Variants in CNTNAP2 observed in about 807,000 individuals in gnomAD.
CNTNAP2 encodes the protein contactin-associated protein-like 2.
In CNTNAP2, 98 loss-of-function variants were observed where a neutral mutation model predicts 155.2. That is an observed-to-expected ratio of 0.63 (90% CI 0.54 to 0.75). CNTNAP2 has a LOEUF of 0.75. CNTNAP2 is among the 30% of genes least tolerant of loss of function. CNTNAP2 has a pLI of 0.00. For synonymous variants in CNTNAP2, 651 were observed against 631.2 expected, an observed-to-expected ratio of 1.03 and a Z score of -0.47; for missense variants, 1,727 against 1,688.1, an observed-to-expected ratio of 1.02 and a Z score of -0.40.
chr7:146,537,154 G>A (rs1317979639), intron 1 of CNTNAP2, among the ~76,000 whole-genome samples: 1 of 151,902 alleles, frequency 6.6e-6, no homozygotes, highest in African/African-American at 2.4e-5. Context: ...AAATTTTGTT[G>A]GATTCTGAAA....
chr7:146,443,339 A>T (rs952376576), intron 1 of CNTNAP2, among the ~76,000 whole-genome samples: 1 of 152,160 alleles, frequency 6.6e-6, no homozygotes, highest in Admixed American at 6.5e-5. Context: ...TTTTCCCTGT[A>T]AAGTTAAATG....
At chr7:148,107,651 G>A (rs1804251937) in intron 15 of CNTNAP2, among the ~76,000 whole-genome samples, 2 of 152,136 alleles carry the variant, frequency 1.3e-5, no homozygotes, top group African/African-American at 4.8e-5. Context: ...AGGAAATCTT[G>A]ACAAATAGAC....
chr7:146,167,921 G>C (rs971204372), intron 1 of CNTNAP2, among the ~76,000 whole-genome samples: 14 of 152,172 alleles, frequency 9.2e-5, no homozygotes, highest in Admixed American at 7.2e-4. Context: ...GTGGCTGAAG[G>C]CCCGAGATTC....
chr7:147,718,572 G>A (rs1182218523), intron 13 of CNTNAP2, among the ~76,000 whole-genome samples: 1 of 152,044 alleles, frequency 6.6e-6, no homozygotes, highest in Non-Finnish European at 1.5e-5. Flanking sequence ...GACATAGCAA[G>A]TTCAAAAAGC....
At chr7:146,622,764 C>A (rs1200619519) in intron 1 of CNTNAP2, among the ~76,000 whole-genome samples, 1 of 151,976 alleles carries the variant, frequency 6.6e-6, no homozygotes, top group Admixed American at 6.6e-5. Context: ...CGAGACCAGC[C>A]TGACCAATAT....
At position 147,504,203 on chromosome 7, in the gene CNTNAP2, T is replaced by G. The variant is rs77204003; in HGVS notation, c.1777+18162T>G. On this transcript the variant is annotated intron_variant, in intron 11 of 23. Transcript: ENST00000361727. ...CAGCTCTAGTAGAGAAGCCCTGTCC[T>G]GTAGCTCCTGACATGAGTCCCCAGT... 6.6e-3 allele frequency among the ~76,000 whole-genome samples: 1,004 copies of G among 152,224 alleles called. 9 individuals are homozygous for G. Among genetic ancestry groups the G allele is most frequent in the African/African-American group, 0.023 (945 of 41,522 alleles).
intron 9 of CNTNAP2, among the ~76,000 whole-genome samples, chr7:147,390,753 A>T (rs1291300200): frequency 3.3e-5 from 5 of 152,124 alleles, no homozygotes; most frequent in Non-Finnish European, 7.4e-5. Flanking sequence ...TCTGTGTCAC[A>T]CGGAGCAGCA....
chr7:146,278,071 C>T (rs934794402), intron 1 of CNTNAP2, among the ~76,000 whole-genome samples: 1 of 152,182 alleles, frequency 6.6e-6, no homozygotes, highest in Non-Finnish European at 1.5e-5. Flanking sequence ...AGCAGATTAG[C>T]ATGCCCTGCC....
At chr7:146,530,365 C>A (rs1412181495) in intron 1 of CNTNAP2, among the ~76,000 whole-genome samples, 1 of 151,688 alleles carries the variant, frequency 6.6e-6, no homozygotes, top group Non-Finnish European at 1.5e-5. Context: ...ACAGCAAAAA[C>A]AAAAATGGAC....
At chr7:147,357,479 A>G (rs1437654180) in intron 9 of CNTNAP2, among the ~76,000 whole-genome samples, 2 of 152,170 alleles carry the variant, frequency 1.3e-5, no homozygotes, top group South Asian at 4.1e-4. Context: ...GAATCTGTTG[A>G]TCCTACATGC....
chr7:147,514,979 A>AC (rs1468168340), intron 11 of CNTNAP2, among the ~76,000 whole-genome samples: 6 of 152,192 alleles, frequency 3.9e-5, no homozygotes, highest in African/African-American at 1.4e-4. Context: ...ACCTCATGTT[A>AC]AAAACAACAG....
intron 10 of CNTNAP2, among the ~76,000 whole-genome samples, chr7:147,469,864 T>C (rs1393159792): frequency 6.6e-6 from 1 of 152,120 alleles, no homozygotes; most frequent in Non-Finnish European, 1.5e-5. Context: ...CTCATTGGGA[T>C]GGCATTTGTG....
At chr7:146,354,175 C>T (rs1038014995) in intron 1 of CNTNAP2, among the ~76,000 whole-genome samples, 1 of 152,150 alleles carries the variant, frequency 6.6e-6, no homozygotes, top group African/African-American at 2.4e-5. Context: ...TCATTTTTCG[C>T]TACTTACCAG....
chr7:146,644,857 C>A (rs4318990), intron 1 of CNTNAP2, among the ~76,000 whole-genome samples: 118,396 of 151,918 alleles, frequency 0.78, 46,722 homozygotes, highest in South Asian at 0.91. Context: ...CCAACCAAAA[C>A]GAGTCCAGGA....
chr7:147,240,831 G>A (rs533731800), intron 8 of CNTNAP2, among the ~76,000 whole-genome samples: 3 of 152,106 alleles, frequency 2.0e-5, no homozygotes, highest in Admixed American at 6.5e-5. Context: ...GTGTCGAAGG[G>A]CATTATTTCT....
intron 21 of CNTNAP2, among the ~76,000 whole-genome samples, chr7:148,323,521 AAATTG>A (rs1226833785): frequency 1.3e-5 from 2 of 151,732 alleles, no homozygotes; most frequent in East Asian, 1.9e-4. Context: ...AATGTTAGAG[AAATTG>A]AATTGAATTC....
intron 9 of CNTNAP2, among the ~76,000 whole-genome samples, chr7:147,308,998 G>A (rs1355012902): frequency 1.3e-5 from 2 of 152,116 alleles, no homozygotes; most frequent in African/African-American, 4.8e-5. Context: ...ACTAAAAATA[G>A]CCTTTAAAAA....
intron 8 of CNTNAP2, among the ~76,000 whole-genome samples, chr7:147,285,662 C>T (rs1355581799): frequency 6.6e-6 from 1 of 151,962 alleles, no homozygotes; most frequent in Non-Finnish European, 1.5e-5. Flanking sequence ...TGACCAATAG[C>T]ATTACATAAT....
chr7:147,614,233 G>A (rs569805140), intron 12 of CNTNAP2, among the ~76,000 whole-genome samples: 1 of 152,118 alleles, frequency 6.6e-6, no homozygotes, highest in Non-Finnish European at 1.5e-5. Flanking sequence ...TCCACCAGTT[G>A]CTCAATTACA....
Sources: allele counts gnomAD v4.1 joint callset (sites outside exome capture counted in the v4.1 genomes callset), GRCh38; gene constraint gnomAD v4.1.1; transcripts MANE v1.5; gene names NCBI Gene and HGNC (gene_info 2026-07-23, HGNC 2026-07-21).